The following FMNL2 variants were observed in gnomAD, a reference collection of about 807,000 sequenced individuals.
The protein encoded by FMNL2 is formin like 2.
In FMNL2, 51 loss-of-function variants were observed where a neutral mutation model predicts 130.2. The observed-to-expected ratio is 0.39, with a 90% CI of 0.31 to 0.49. The LOEUF (loss-of-function observed/expected upper bound fraction) is 0.49, where lower values mean the gene tolerates loss of function less well. FMNL2 is among the 20% of genes least tolerant of loss of function. The probability of loss-of-function intolerance (pLI) is 0.85; values close to 1 mark genes in which losing one functional copy is unlikely to be tolerated. For missense variants in FMNL2, 977 were observed against 1,316.2 expected (o/e 0.74, Z 3.99); for synonymous variants, 465 against 467.1 (o/e 1.00, Z 0.06).
intron 16 of FMNL2, among the ~76,000 whole-genome samples, chr2:152,626,194 G>A (rs1401825660): frequency 6.6e-5 from 10 of 152,062 alleles, no homozygotes; most frequent in Non-Finnish European, 1.3e-4. Context: ...ACACTACCAT[G>A]TCTGGCTATT....
At position 152,408,580 on chromosome 2, in the gene FMNL2, G is replaced by GT. The variant is rs200055413; in HGVS notation, c.117+72869dup. On this transcript the variant is annotated intron_variant, in intron 1 of 25. Transcript: ENST00000288670. The stretch of plus-strand genomic sequence containing the variant: ...AATACAGATGCTCCTAGACTTACGG[G>GT]TTTTTTTTTGCCCTGATAAACCCAT... 2.0e-3 allele frequency among the ~76,000 whole-genome samples: 305 copies of GT among 150,814 alleles called. 1 individual carries two copies. The highest frequency in any genetic ancestry group is 4.5e-3 in the East Asian group (23 of 5,150).
chr2:152,637,642 CCTGT>C lies in FMNL2; in HGVS notation c.2917_2920del (p.Val973LeufsTer5). 2 of 1,613,982 alleles carry C rather than the reference CCTGT, an allele frequency of 1.2e-6. No homozygotes were observed. Among genetic ancestry groups the C allele is most frequent in the Non-Finnish European group, 1.7e-6 (2 of 1,179,858 alleles). On this transcript the variant is annotated frameshift_variant, in exon 23 of 26. Coordinates refer to ENST00000288670, the MANE Select transcript of FMNL2 (RefSeq NM_052905.4). LOFTEE classifies it high-confidence loss of function. ...GACAACACCACCCTCTGTCTTCTTT[CCTGT>C]CTTTGTCCGGTTTGTGAAAGCATAT...
At chr2:152,428,186 A>G (rs893487579) in intron 1 of FMNL2, among the ~76,000 whole-genome samples, 1 of 152,208 alleles carries the variant, frequency 6.6e-6, no homozygotes, top group African/African-American at 2.4e-5. Flanking sequence ...TTGGTAACAT[A>G]TTCATTCCAA....
chr2:152,403,028 G>C (rs778247992), intron 1 of FMNL2, among the ~76,000 whole-genome samples: 3 of 152,098 alleles, frequency 2.0e-5, no homozygotes, highest in Non-Finnish European at 4.4e-5. Context: ...TACTGGTCAG[G>C]TGTTTTGTAG....
intron 1 of FMNL2, among the ~76,000 whole-genome samples, chr2:152,490,668 G>GGACT (rs1356804865): frequency 6.9e-6 from 1 of 144,272 alleles, no homozygotes; most frequent in Non-Finnish European, 1.5e-5. Flanking sequence ...ACACAACTTG[G>GGACT]GACTCATGGT....
intron 1 of FMNL2, among the ~76,000 whole-genome samples, chr2:152,419,072 A>G (rs1404531992): frequency 6.6e-6 from 1 of 151,410 alleles, no homozygotes; most frequent in Non-Finnish European, 1.5e-5. Context: ...TTTTAAAACT[A>G]TGTTTAAACA....
intron 1 of FMNL2, among the ~76,000 whole-genome samples, chr2:152,364,497 T>C (rs1433597014): frequency 6.6e-6 from 1 of 152,164 alleles, no homozygotes; most frequent in Non-Finnish European, 1.5e-5. Flanking sequence ...AACCCAAACA[T>C]TAGTAAACCG....
At chr2:152,612,167 C>A (rs895260575) in intron 11 of FMNL2, among the ~76,000 whole-genome samples, 1 of 152,318 alleles carries the variant, frequency 6.6e-6, no homozygotes, top group East Asian at 1.9e-4. Flanking sequence ...CACTCCCTTG[C>A]AGAAGAGTTT....
At chr2:152,616,058 A>G (rs2105883577) in intron 12 of FMNL2, among the ~76,000 whole-genome samples, 1 of 152,276 alleles carries the variant, frequency 6.6e-6, no homozygotes. Context: ...TGCTGAACCC[A>G]ATCAGTGTAA....
Position 152,404,047 on chromosome 2 carries a change from A to C in FMNL2, c.117+68327A>C, listed in dbSNP as rs187030209. 3.5e-3 allele frequency among the ~76,000 whole-genome samples: 536 copies of C among 152,348 alleles called. 4 individuals are homozygous for C. The highest frequency in any genetic ancestry group is 0.013 in the African/African-American group (522 of 41,578). ...CACGCCACTGCACTGCAGCCTGGTGACAGAGCGAGACTCCGTCTCAATAAA... is the reference window on the plus strand; with the variant it reads ...CACGCCACTGCACTGCAGCCTGGTGCCAGAGCGAGACTCCGTCTCAATAAA... On this transcript the variant is annotated intron_variant, in intron 1 of 25. Coordinates refer to ENST00000288670, the MANE Select transcript of FMNL2 (RefSeq NM_052905.4).
At chr2:152,547,788 A>G (rs1694724426) in intron 3 of FMNL2, among the ~76,000 whole-genome samples, 1 of 152,192 alleles carries the variant, frequency 6.6e-6, no homozygotes, top group African/African-American at 2.4e-5. Context: ...ATCCTGAGCC[A>G]GAATTCTCAA....
intron 1 of FMNL2, among the ~76,000 whole-genome samples, chr2:152,424,394 C>CTT (rs201404421): frequency 2.6e-4 from 37 of 142,134 alleles, no homozygotes; most frequent in Middle Eastern, 3.7e-3. Context: ...GGCCTACCAT[C>CTT]TTTTTTTTTT....
chr2:152,384,165 T>A (rs1212706340), intron 1 of FMNL2, among the ~76,000 whole-genome samples: 1 of 152,220 alleles, frequency 6.6e-6, no homozygotes, highest in Non-Finnish European at 1.5e-5. Flanking sequence ...ATTTTCCAGG[T>A]GAGGAAACTG....
intron 1 of FMNL2, among the ~76,000 whole-genome samples, chr2:152,386,162 A>T (rs1246213198): frequency 2.6e-5 from 4 of 152,206 alleles, no homozygotes; most frequent in African/African-American, 9.6e-5. Context: ...CTCCTAGCAT[A>T]CCCTGCTGAG....
intron 1 of FMNL2, among the ~76,000 whole-genome samples, chr2:152,446,457 G>A (rs1429156818): frequency 6.6e-6 from 1 of 152,132 alleles, no homozygotes; most frequent in Non-Finnish European, 1.5e-5. Flanking sequence ...GATTGTTGAA[G>A]TATACATGGA....
chr2:152,565,425 T>G (rs976574121), intron 6 of FMNL2, among the ~76,000 whole-genome samples: 5 of 152,148 alleles, frequency 3.3e-5, no homozygotes, highest in Non-Finnish European at 2.9e-5. Flanking sequence ...GAGAAGAACC[T>G]GTCCTTTCAG....
At chr2:152,508,216 G>A (rs570406339) in intron 1 of FMNL2, among the ~76,000 whole-genome samples, 1 of 151,626 alleles carries the variant, frequency 6.6e-6, no homozygotes, top group African/African-American at 2.4e-5. Context: ...ACGCTGAAAC[G>A]ACAGACCCCC....
At chr2:152,439,657 G>A (rs1047969786) in intron 1 of FMNL2, among the ~76,000 whole-genome samples, 5 of 151,736 alleles carry the variant, frequency 3.3e-5, no homozygotes, top group Non-Finnish European at 7.4e-5. Context: ...ATACTTCCAC[G>A]TAATAGGGAC....
intron 25 of FMNL2, chr2:152,643,467 G>C (rs919805706): frequency 1.3e-6 from 2 of 1,536,054 alleles, no homozygotes; most frequent in Non-Finnish European, 1.7e-6. Flanking sequence ...CGTGGCTCTC[G>C]GTTTTTCTGC....
Sources: allele counts gnomAD v4.1 joint callset (sites outside exome capture counted in the v4.1 genomes callset), GRCh38; gene constraint gnomAD v4.1.1; transcripts MANE v1.5; gene names NCBI Gene and HGNC (gene_info 2026-07-23, HGNC 2026-07-21).